The following SYNPR variants were observed in gnomAD, a reference collection of about 807,000 sequenced individuals.
SYNPR encodes synaptoporin.
Under a neutral mutation model 32.9 loss-of-function variants are expected in SYNPR, and 23 were observed. The ratio of observed to expected loss-of-function variants is 0.70; its 90% CI spans 0.50 to 0.99. The LOEUF (loss-of-function observed/expected upper bound fraction) is 0.99, where lower values mean the gene tolerates loss of function less well. Among genes scored for constraint, SYNPR ranks in the 50% least tolerant of loss-of-function variants. The pLI is 0.00. For missense variants in SYNPR, 318 were observed against 349.3 expected (o/e 0.91, Z 0.71); for synonymous variants, 146 against 135.9 (o/e 1.07, Z -0.52).
intron 2 of SYNPR, among the ~76,000 whole-genome samples, chr3:63,290,281 A>G (rs1429883984): frequency 6.6e-6 from 1 of 152,132 alleles, no homozygotes; most frequent in Non-Finnish European, 1.5e-5. Flanking sequence ...GCTCTTAACC[A>G]TTTTTCTGCA....
intron 2 of SYNPR, among the ~76,000 whole-genome samples, chr3:63,354,336 G>A (rs1039061916): frequency 2.0e-5 from 3 of 152,160 alleles, no homozygotes; most frequent in African/African-American, 4.8e-5. Context: ...CAGTGGATCC[G>A]TCCACATCAT....
chr3:63,550,811 G>C (rs914926406), intron 3 of SYNPR, among the ~76,000 whole-genome samples: 2 of 152,152 alleles, frequency 1.3e-5, no homozygotes, highest in African/African-American at 4.8e-5. Flanking sequence ...TCTGATCTTT[G>C]TCTCAAGATT....
chr3:63,483,371 A>G lies in SYNPR; in HGVS notation c.209+2415A>G, dbSNP rs115818307. On this transcript the variant is annotated intron_variant, in intron 3 of 5. Transcript: ENST00000478300. The stretch of plus-strand genomic sequence containing the variant: ...AGTAAGTAGCAGCATGTTAAGAAAA[A>G]ATATAATAGTAAATGCACAATATAA... Among the ~76,000 whole-genome samples the G allele has an allele frequency of 8.2e-3, 1,254 of 152,314 alleles. 17 individuals carry two copies. The highest frequency in any genetic ancestry group is 0.028 in the African/African-American group (1,170 of 41,582).
At chr3:63,490,501 G>T (rs1236337888) in intron 3 of SYNPR, among the ~76,000 whole-genome samples, 1 of 152,074 alleles carries the variant, frequency 6.6e-6, no homozygotes, top group Non-Finnish European at 1.5e-5. Context: ...GCCGTCCAAG[G>T]AAAAGATGGT....
At chr3:63,448,771 C>T (rs76183189) in intron 2 of SYNPR, among the ~76,000 whole-genome samples, 1,728 of 152,160 alleles carry the variant, frequency 0.011, 41 homozygotes, top group African/African-American at 0.04. Context: ...TTCTGCATTC[C>T]CAGAACTAAA....
chr3:63,415,574 T>C (rs576398773), intron 2 of SYNPR, among the ~76,000 whole-genome samples: 3 of 152,282 alleles, frequency 2.0e-5, no homozygotes, highest in South Asian at 4.1e-4. Flanking sequence ...CACTCAGCCA[T>C]TGTAGCACAA....
At chr3:63,411,815 T>A (rs2088469911) in intron 2 of SYNPR, among the ~76,000 whole-genome samples, 1 of 152,066 alleles carries the variant, frequency 6.6e-6, no homozygotes, top group African/African-American at 2.4e-5. Flanking sequence ...GTCTTGAAGA[T>A]CTATTAAGGA....
intron 3 of SYNPR, among the ~76,000 whole-genome samples, chr3:63,512,612 G>T (rs751443664): frequency 6.6e-6 from 1 of 152,130 alleles, no homozygotes; most frequent in Admixed American, 6.6e-5. Flanking sequence ...ATAGAAATGT[G>T]ACATGAGAGG....
chr3:63,517,616 C>T (rs887855716), intron 3 of SYNPR, among the ~76,000 whole-genome samples: 1 of 152,136 alleles, frequency 6.6e-6, no homozygotes, highest in African/African-American at 2.4e-5. Context: ...TGCCCTTGCG[C>T]TCATTTAAGA....
At chr3:63,410,810 G>T (rs2088454522) in intron 2 of SYNPR, among the ~76,000 whole-genome samples, 1 of 152,144 alleles carries the variant, frequency 6.6e-6, no homozygotes, top group Non-Finnish European at 1.5e-5. Flanking sequence ...TAGCTGGTGA[G>T]GGGCAGCAGA....
At chr3:63,393,491 C>CTTTTTTTTTTTTTT (rs1482584312) in intron 2 of SYNPR, among the ~76,000 whole-genome samples, 7 of 116,612 alleles carry the variant, frequency 6.0e-5, no homozygotes, top group African/African-American at 2.6e-4. Flanking sequence ...TTCTTTCTTT[C>CTTTTTTTTTTTTTT]TTCTCTTTTT....
At chr3:63,585,648 T>C (rs1703170953) in intron 4 of SYNPR, among the ~76,000 whole-genome samples, 1 of 152,104 alleles carries the variant, frequency 6.6e-6, no homozygotes, top group Admixed American at 6.6e-5. Flanking sequence ...TTATCTGGAA[T>C]AATTTTTAGG....
At chr3:63,408,196 G>A (rs201412689) in intron 2 of SYNPR, among the ~76,000 whole-genome samples, 635 of 31,952 alleles carry the variant, frequency 0.02, 81 homozygotes, top group Non-Finnish European at 0.023. Context: ...GAAAGAAAGA[G>A]GAAGGAAGGA....
At chr3:63,428,322 T>C (rs1356861045) in intron 2 of SYNPR, among the ~76,000 whole-genome samples, 5 of 152,244 alleles carry the variant, frequency 3.3e-5, no homozygotes, top group Admixed American at 3.3e-4. Flanking sequence ...ATCAATAACA[T>C]GTGCTGTTTA....
chr3:63,553,758 G>T (rs999806034), intron 3 of SYNPR, among the ~76,000 whole-genome samples: 1 of 152,114 alleles, frequency 6.6e-6, no homozygotes, highest in Non-Finnish European at 1.5e-5. Flanking sequence ...TTTCGCTCTT[G>T]TTGCCCAGGC....
intron 2 of SYNPR, among the ~76,000 whole-genome samples, chr3:63,255,565 A>G (rs916531044): frequency 2.0e-5 from 3 of 152,228 alleles, no homozygotes; most frequent in South Asian, 2.1e-4. Flanking sequence ...ATCATTTGCT[A>G]TCATTCATTC....
At chr3:63,341,493 A>G (rs889354710) in intron 2 of SYNPR, among the ~76,000 whole-genome samples, 1 of 152,094 alleles carries the variant, frequency 6.6e-6, no homozygotes, top group African/African-American at 2.4e-5. Flanking sequence ...AGTTCCTATT[A>G]CTCCACATTC....
chr3:63,424,129 A>G (rs868712900), intron 2 of SYNPR, among the ~76,000 whole-genome samples: 6 of 152,366 alleles, frequency 3.9e-5, no homozygotes, highest in Middle Eastern at 3.4e-3. Context: ...TGGTAATAAC[A>G]TATCAATGTT....
intron 3 of SYNPR, among the ~76,000 whole-genome samples, chr3:63,272,952 A>G (rs1326887297): frequency 6.6e-6 from 1 of 152,170 alleles, no homozygotes; most frequent in Non-Finnish European, 1.5e-5. Context: ...GTGCTTCATG[A>G]ATCTGCAAAA....
Sources: allele counts gnomAD v4.1 joint callset (sites outside exome capture counted in the v4.1 genomes callset), GRCh38; gene constraint gnomAD v4.1.1; transcripts MANE v1.5; gene names NCBI Gene and HGNC (gene_info 2026-07-23, HGNC 2026-07-21).